Variants in CLPTM1L observed in about 807,000 individuals in gnomAD.
CLPTM1L encodes lipid scramblase CLPTM1L.
Under a neutral mutation model 70.9 loss-of-function variants are expected in CLPTM1L, and 38 were observed. The observed-to-expected ratio is 0.54, with a 90% confidence interval of 0.41 to 0.70. CLPTM1L has a LOEUF of 0.70. Among genes scored for constraint, CLPTM1L ranks in the 30% least tolerant of loss-of-function variants. CLPTM1L has a pLI of 0.00. For missense variants in CLPTM1L, 652 were observed against 705.9 expected, an observed-to-expected ratio of 0.92 and a Z score of 0.87; for synonymous variants, 339 against 299.9, an observed-to-expected ratio of 1.13 and a Z score of -1.35.
intron 13 of CLPTM1L, among the ~76,000 whole-genome samples, chr5:1,322,643 C>T (rs894832423): frequency 1.1e-4 from 17 of 152,232 alleles, no homozygotes; most frequent in East Asian, 3.8e-4. Context: ...CACTCCCTGT[C>T]GCTTGTACAA....
chr5:1,338,726 G>A (rs1355900711), intron 4 of CLPTM1L, 134 bp downstream of exon 4: 1 of 979,562 alleles, frequency 1.0e-6, no homozygotes, highest in Non-Finnish European at 1.5e-6. Flanking sequence ...GTGGGAAAGA[G>A]CTGGGAGGCC....
Position 1,344,758 on chromosome 5 carries a change from G to T in CLPTM1L, c.84C>A (p.Tyr28Ter). ...AGCACGGGCGGGTGTAGACGATGCC[G>T]TACATGACCCAGCAGGTGTGCACCA... ...VYVVHTCWVM[Y>*]GIVYTRPCSG... Residue 28 changes from tyrosine (Y) to a stop codon, truncating the protein, a stop_gained, in exon 1 of 17, where the codon TAC (tyrosine) becomes TAA (stop). Coordinates refer to ENST00000320895, the MANE Select transcript of CLPTM1L (RefSeq NM_030782.5). LOFTEE classifies it high-confidence loss of function. 6.2e-7 allele frequency: 1 copy of T among 1,604,624 alleles called. No individual in the cohort carries two copies. Among genetic ancestry groups the T allele is most frequent in the Non-Finnish European group, 8.5e-7 (1 of 1,176,498 alleles).
At chr5:1,330,462 A>C (rs1305295386) in intron 8 of CLPTM1L, 79 bp from the exon 9 acceptor site, 3 of 1,164,364 alleles carry the variant, frequency 2.6e-6, no homozygotes, top group African/African-American at 1.5e-5. Context: ...ACATACCCCC[A>C]GTCCCCCATC....
At chr5:1,332,528 C>T (rs1489343790) in intron 7 of CLPTM1L, among the ~76,000 whole-genome samples, 2 of 152,234 alleles carry the variant, frequency 1.3e-5, no homozygotes, top group African/African-American at 4.8e-5. Context: ...CGGCCGCACT[C>T]CTGGGTGCCG....
At chr5:1,321,095 GAGAGCCAAGGGC>G (rs1211698916) in intron 15 of CLPTM1L, among the ~76,000 whole-genome samples, 2 of 152,188 alleles carry the variant, frequency 1.3e-5, no homozygotes, top group East Asian at 3.9e-4. Flanking sequence ...CAGCCAAGGG[GAGAGCCAAGGGC>G]AGAGCCACCT....
intron 9 of CLPTM1L, among the ~76,000 whole-genome samples, chr5:1,329,946 T>A (rs1261611994): frequency 1.4e-4 from 19 of 138,272 alleles, no homozygotes; most frequent in African/African-American, 4.5e-4. Flanking sequence ...CTCAGGACTC[T>A]CTGCTTGGTG....
intron 7 of CLPTM1L, chr5:1,332,094 C>A (rs1331282396): frequency 3.4e-5 from 20 of 585,558 alleles, no homozygotes; most frequent in Non-Finnish European, 5.5e-5. Flanking sequence ...TTTGCAGGGG[C>A]ACTTCTGAAA....
chr5:1,320,589 C>T (rs35561057), intron 16 of CLPTM1L, 27 bp downstream of exon 16: 50,431 of 1,326,570 alleles, frequency 0.038, 1,123 homozygotes, highest in Non-Finnish European at 0.044. Flanking sequence ...GACGGAGCAA[C>T]GGCCGAGCAT....
rs1377024290 is a variant in CLPTM1L at position 1,320,648 on chromosome 5, G to A, written c.1500C>T (p.Asp500=). ...TSHRLACFRD[D]VVFLVYLYQR... The stretch of plus-strand genomic sequence containing the variant: ...GGTACAGGTAGACCAGAAACACCAC[G>A]TCGTCCCGGAAGCAGGCCAGCCGGT... The change falls in exon 16 of 17, where the codon GAC becomes GAT. Residue 500 remains aspartate, a synonymous_variant. Transcript: ENST00000320895. 6 of 1,545,912 alleles carry A rather than the reference G, an allele frequency of 3.9e-6. No homozygotes were observed. Among genetic ancestry groups the A allele is most frequent in the East Asian group, 2.5e-5 (1 of 40,706 alleles).
At chr5:1,322,727 C>A (rs1579619414) in intron 13 of CLPTM1L, 150 bp downstream of exon 13, 2 of 789,570 alleles carry the variant, frequency 2.5e-6, no homozygotes, top group East Asian at 4.9e-5. Flanking sequence ...TGGGGGGAGC[C>A]CTGGGCACCG....
chr5:1,338,526 T>A (rs1753728766), intron 4 of CLPTM1L, among the ~76,000 whole-genome samples: 1 of 152,248 alleles, frequency 6.6e-6, no homozygotes, highest in Non-Finnish European at 1.5e-5. Flanking sequence ...AAAGATTAAC[T>A]TTTAAGTAAA....
At chr5:1,337,595 T>C (rs1409436970) in intron 5 of CLPTM1L, among the ~76,000 whole-genome samples, 5 of 152,236 alleles carry the variant, frequency 3.3e-5, no homozygotes, top group Non-Finnish European at 7.3e-5. Context: ...TTTCACACGG[T>C]GCTCATGTGC....
At chr5:1,324,908 G>T in intron 10 of CLPTM1L, 95 bp from the exon 11 acceptor site, 1 of 1,153,646 alleles carries the variant, frequency 8.7e-7, no homozygotes, top group Non-Finnish European at 1.3e-6. Flanking sequence ...TGGCTGCAGA[G>T]CTGACCCAGG....
intron 13 of CLPTM1L, among the ~76,000 whole-genome samples, 177 bp from the exon 14 acceptor site, chr5:1,321,996 G>A (rs1025178380): frequency 1.3e-5 from 2 of 152,196 alleles, no homozygotes; most frequent in African/African-American, 4.8e-5. Context: ...GCAGCTTTCT[G>A]GCTGGTAAGT....
intron 2 of CLPTM1L, 43 bp downstream of exon 2, chr5:1,344,308 G>T: frequency 7.8e-7 from 1 of 1,277,568 alleles, no homozygotes; most frequent in Non-Finnish European, 1.1e-6. Context: ...CTGAACATGA[G>T]TAATGTTTTC....
intron 6 of CLPTM1L, 39 bp downstream of exon 6, chr5:1,335,018 G>C (rs373729867): frequency 1.3e-6 from 2 of 1,527,864 alleles, no homozygotes; most frequent in Non-Finnish European, 1.8e-6. Context: ...GGGGCTCCAG[G>C]GCGGCCTCAC....
intron 5 of CLPTM1L, among the ~76,000 whole-genome samples, chr5:1,336,180 G>A (rs1753567673): frequency 1.3e-5 from 2 of 152,232 alleles, no homozygotes; most frequent in Admixed American, 6.5e-5. Flanking sequence ...TCCGAAGGGT[G>A]TCACTGCCTC....
At chr5:1,322,485 G>A (rs894196887) in intron 13 of CLPTM1L, among the ~76,000 whole-genome samples, 2 of 152,232 alleles carry the variant, frequency 1.3e-5, no homozygotes, top group African/African-American at 2.4e-5. Flanking sequence ...GGATGGTGTT[G>A]TTTTAATGCT....
rs560356525 is a variant in CLPTM1L, at chr5:1,321,829, G to T, written c.1316-10C>A. On this transcript the variant is annotated splice_polypyrimidine_tract_variant and intron_variant, in intron 13 of 16. Coordinates refer to ENST00000320895, the MANE Select transcript of CLPTM1L (RefSeq NM_030782.5). ...CCAAAGGCATAGACCCCTGCAGAAAGACAGACAGCACTCACGAGGTGCGGA... is the reference window on the plus strand; with the variant it reads ...CCAAAGGCATAGACCCCTGCAGAAATACAGACAGCACTCACGAGGTGCGGA... 1 of 1,612,900 alleles carries T rather than the reference G, an allele frequency of 6.2e-7. No individual in the cohort carries two copies. The highest frequency in any genetic ancestry group is 8.5e-7 in the Non-Finnish European group (1 of 1,179,492).
Sources: gnomAD v4.1 joint callset for allele counts (sites outside exome capture counted in the v4.1 genomes callset) on GRCh38, gnomAD v4.1.1 for gene constraint, MANE v1.5 for transcripts, NCBI Gene and HGNC (gene_info 2026-07-23, HGNC 2026-07-21) for gene names.